The following UGT1A9 variants were observed in gnomAD, a reference collection of about 807,000 sequenced individuals.
UGT1A9 encodes the protein UDP-glucuronosyltransferase 1A9.
A neutral mutation model predicts 45.0 loss-of-function variants in UGT1A9; 35 were observed. The observed-to-expected ratio is 0.78, with a 90% CI of 0.59 to 1.03. UGT1A9 has a LOEUF of 1.03. UGT1A9 is among the 50% of genes least tolerant of loss of function. The pLI is 0.00. For missense variants in UGT1A9, 687 were observed against 666.6 expected (o/e 1.03, Z -0.34); for synonymous variants, 278 against 250.6 (o/e 1.11, Z -1.03).
chr2:233,754,978 C>G, intron 1 of UGT1A9: 1 of 1,298,496 alleles, frequency 7.7e-7, no homozygotes, highest in Non-Finnish European at 1.0e-6. Context: ...CTGAAGACCT[C>G]GGCGGGGTCA....
intron 1 of UGT1A9, chr2:233,760,696 A>G (rs1165584842): frequency 6.2e-7 from 1 of 1,614,168 alleles, no homozygotes; most frequent in South Asian, 1.1e-5. Context: ...CAAGGAGCTC[A>G]TGGCCTCCCT....
At chr2:233,717,743 G>T (rs182116418) in intron 1 of UGT1A9, 1 of 456,536 alleles carries the variant, frequency 2.2e-6, no homozygotes, top group East Asian at 6.9e-5. Context: ...AGTGCTCAGG[G>T]TCTCCCCCTA....
At chr2:233,679,551 T>G (rs139988189) in intron 1 of UGT1A9, among the ~76,000 whole-genome samples, 108 of 152,272 alleles carry the variant, frequency 7.1e-4, no homozygotes, top group Non-Finnish European at 9.7e-4. Flanking sequence ...TCATCTTTTT[T>G]TTTGTTTGTT....
At chr2:233,752,606 A>T (rs1695016071) in intron 1 of UGT1A9, 1 of 152,194 alleles carries the variant, frequency 6.6e-6, no homozygotes, top group African/African-American at 2.4e-5. Context: ...TTTTTAAAAA[A>T]ACATTAGCTA....
At chr2:233,742,273 A>C (rs1691925901) in intron 1 of UGT1A9, among the ~76,000 whole-genome samples, 1 of 151,986 alleles carries the variant, frequency 6.6e-6, no homozygotes, top group Non-Finnish European at 1.5e-5. Context: ...AGCCTGTGAT[A>C]AGCATCATTT....
At chr2:233,695,143 T>TTTTTTTTG in intron 1 of UGT1A9, among the ~76,000 whole-genome samples, 1 of 151,230 alleles carries the variant, frequency 6.6e-6, no homozygotes, top group Non-Finnish European at 1.5e-5. Context: ...TTTTTTTTTT[T>TTTTTTTTG]TGAGACAGAG....
At chr2:233,719,056 C>T in intron 1 of UGT1A9, 1 of 1,614,284 alleles carries the variant, frequency 6.2e-7, no homozygotes, top group Non-Finnish European at 8.5e-7. Flanking sequence ...ACCCTGACAG[C>T]CTATGCTGTT....
At chr2:233,751,971 G>A (rs1694860296) in intron 1 of UGT1A9, among the ~76,000 whole-genome samples, 1 of 152,158 alleles carries the variant, frequency 6.6e-6, no homozygotes, top group Non-Finnish European at 1.5e-5. Context: ...TCTGAGAAAA[G>A]GAAATGAATC....
At chr2:233,686,094 C>G (rs2074772715) in intron 1 of UGT1A9, among the ~76,000 whole-genome samples, 1 of 151,854 alleles carries the variant, frequency 6.6e-6, no homozygotes, top group Non-Finnish European at 1.5e-5. Flanking sequence ...ATATCCAAGT[C>G]CAAGAGAATG....
intron 1 of UGT1A9, among the ~76,000 whole-genome samples, chr2:233,757,535 A>AATATATATACATATATAT (rs376887521): frequency 1.2e-3 from 108 of 88,048 alleles, no homozygotes; most frequent in Non-Finnish European, 1.7e-3. Context: ...GCCTGTAAGG[A>AATATATATACATATATAT]ATATATATAT....
chr2:233,747,214 A>G, intron 1 of UGT1A9: 1 of 1,605,450 alleles, frequency 6.2e-7, no homozygotes, highest in South Asian at 1.1e-5. Flanking sequence ...TTCTGCTGAG[A>G]TGGCCACAGG....
chr2:233,772,230 T>C (rs1167373810), intron 4 of UGT1A9, 32 bp from the exon 5 acceptor site: 1 of 1,613,798 alleles, frequency 6.2e-7, no homozygotes. Flanking sequence ...CCACAGGTGT[T>C]CCAGGCATAA....
At chr2:233,696,369 A>G (rs1457568819) in intron 1 of UGT1A9, among the ~76,000 whole-genome samples, 2 of 152,112 alleles carry the variant, frequency 1.3e-5, no homozygotes, top group Admixed American at 6.5e-5. Flanking sequence ...ATTTATTCCT[A>G]GGTATTATAT....
chr2:233,719,624 G>A (rs3732217), intron 1 of UGT1A9: 109,088 of 1,613,632 alleles, frequency 0.068, 3,778 homozygotes, highest in East Asian at 0.17. Context: ...ACCCCAGGCC[G>A]ATCATGCCCA....
chr2:233,744,651 A>T lies in UGT1A9; in HGVS notation c.856-22383A>T, dbSNP rs887119274. Among the ~76,000 whole-genome samples, 395 of 152,016 alleles carry T rather than the reference A, an allele frequency of 2.6e-3. 3 individuals are homozygous for T. Among genetic ancestry groups the T allele is most frequent in the Middle Eastern group, 6.8e-3 (2 of 294 alleles). On this transcript the variant is annotated intron_variant, in intron 1 of 4. Transcript: ENST00000354728. The stretch of plus-strand genomic sequence containing the variant: ...GATTCTCATGTCAGCTTCTGTATTC[A>T]ATCTACTGTGATATTACACATCACC...
At chr2:233,688,870 G>T (rs1454445283) in intron 1 of UGT1A9, among the ~76,000 whole-genome samples, 1 of 152,140 alleles carries the variant, frequency 6.6e-6, no homozygotes, top group East Asian at 1.9e-4. Flanking sequence ...GGCCTTGCAG[G>T]ATAAGGAGTG....
At chr2:233,723,213 CTTTT>C (rs201420005) in intron 1 of UGT1A9, among the ~76,000 whole-genome samples, 3 of 88,884 alleles carry the variant, frequency 3.4e-5, no homozygotes, top group African/African-American at 5.6e-5. Context: ...TCAAAACTGA[CTTTT>C]TTTTTTTTTT....
chr2:233,713,287 C>G (rs28946880), intron 1 of UGT1A9: 2 of 1,614,230 alleles, frequency 1.2e-6, no homozygotes, highest in Non-Finnish European at 1.7e-6. Flanking sequence ...CACACTCAAT[C>G]GTTCTTTGAA....
chr2:233,714,484 G>C (rs1019190472), intron 1 of UGT1A9, among the ~76,000 whole-genome samples: 1 of 152,166 alleles, frequency 6.6e-6, no homozygotes, highest in Admixed American at 6.5e-5. Context: ...AATGTTTCTT[G>C]TGAAGACACT....
Sources: gnomAD v4.1 joint callset for allele counts (sites outside exome capture counted in the v4.1 genomes callset) on GRCh38, gnomAD v4.1.1 for gene constraint, MANE v1.5 for transcripts, NCBI Gene and HGNC (gene_info 2026-07-23, HGNC 2026-07-21) for gene names.